The following LARP4B variants were observed in gnomAD, a reference collection of about 807,000 sequenced individuals.
LARP4B encodes la-related protein 4B.
In LARP4B, 12 loss-of-function variants were observed where a neutral mutation model predicts 89.8. The observed-to-expected ratio is 0.13, with a 90% CI of 0.09 to 0.22. LARP4B has a LOEUF of 0.22. Among genes scored for constraint, LARP4B ranks in the 10% least tolerant of loss-of-function variants. The pLI, the probability that LARP4B is intolerant of heterozygous loss-of-function variation, is 1.00. For missense variants in LARP4B, 757 were observed against 947.7 expected (o/e 0.80, Z 2.64); for synonymous variants, 367 against 363.3 (o/e 1.01, Z -0.12).
At chr10:918,735 A>G (rs1836895325) in intron 1 of LARP4B, among the ~76,000 whole-genome samples, 1 of 151,838 alleles carries the variant, frequency 6.6e-6, no homozygotes, top group African/African-American at 2.4e-5. Flanking sequence ...TCGGAAATGT[A>G]GATAACTTTA....
At chr10:954,581 A>T in the LARP4B span, among the ~76,000 whole-genome samples, 1 of 152,098 alleles carries the variant, frequency 6.6e-6, no homozygotes, top group South Asian at 2.1e-4. The surrounding 1 kb of genome is among the most constrained non-coding windows in gnomAD (Gnocchi z 5.0). Flanking sequence ...GGAGGAGGAC[A>T]CAGCTGCTGC....
intron 7 of LARP4B, among the ~76,000 whole-genome samples, chr10:841,997 C>T (rs902814815): frequency 2.0e-5 from 3 of 151,474 alleles, no homozygotes; most frequent in African/African-American, 4.8e-5. Flanking sequence ...AAAACCTGCA[C>T]AGACTGTCGT....
At chr10:873,649 A>G (rs879730570) in intron 3 of LARP4B, among the ~76,000 whole-genome samples, 10 of 152,210 alleles carry the variant, frequency 6.6e-5, no homozygotes, top group Admixed American at 2.0e-4. Context: ...GCTTTACGAA[A>G]TGATGTCTGA....
chr10:897,185 G>C (rs1393630951), intron 1 of LARP4B, among the ~76,000 whole-genome samples: 1 of 152,096 alleles, frequency 6.6e-6, no homozygotes, highest in Non-Finnish European at 1.5e-5. Flanking sequence ...CAGACAAACA[G>C]ATCAATACAA....
chr10:972,805 T>A, the LARP4B span: 1 of 456,800 alleles, frequency 2.2e-6, no homozygotes, highest in South Asian at 1.5e-5. Context: ...AGCCGCATTC[T>A]TTCCCCTCTC....
rs191208586 is a variant in LARP4B, at chr10:913,904, G to A, written c.-40+17524C>T. 4.9e-3 allele frequency among the ~76,000 whole-genome samples: 742 copies of A among 151,800 alleles called. 5 individuals carry two copies. The highest frequency in any genetic ancestry group is 0.016 in the African/African-American group (673 of 41,394). ...AGCCTGGGTGACACAGTAAGGCTGG[G>A]TCTCAAAAAAAAATAAAAATAACGA... On this transcript the variant is annotated intron_variant, in intron 1 of 17. Transcript: ENST00000316157.
chr10:919,070 G>T (rs560009209), intron 1 of LARP4B, among the ~76,000 whole-genome samples: 1 of 152,208 alleles, frequency 6.6e-6, no homozygotes, highest in East Asian at 1.9e-4. Flanking sequence ...AACTGAGTGA[G>T]ACTCCGTCTC....
At chr10:915,488 G>C (rs1289856877) in intron 1 of LARP4B, among the ~76,000 whole-genome samples, 1 of 152,122 alleles carries the variant, frequency 6.6e-6, no homozygotes, top group African/African-American at 2.4e-5. Flanking sequence ...TTAGAAAACT[G>C]AGTATCAAAA....
At chr10:833,279 A>C (rs11812859) in intron 8 of LARP4B, among the ~76,000 whole-genome samples, 8,970 of 139,448 alleles carry the variant, frequency 0.064, 236 homozygotes, top group African/African-American at 0.1. Flanking sequence ...AAAAAAAAAA[A>C]AAAAACCTCA....
chr10:813,673 A>C (rs1400674972), intron 17 of LARP4B, among the ~76,000 whole-genome samples: 1 of 152,272 alleles, frequency 6.6e-6, no homozygotes, highest in Non-Finnish European at 1.5e-5. Context: ...ATTTCAAACT[A>C]CAAAGGACTG....
the LARP4B span, among the ~76,000 whole-genome samples, chr10:946,866 A>T: frequency 1.1e-4 from 17 of 151,994 alleles, no homozygotes; most frequent in African/African-American, 4.8e-5. Flanking sequence ...TGACTCTGAA[A>T]CACCATTTTT....
intron 1 of LARP4B, among the ~76,000 whole-genome samples, chr10:889,131 A>C (rs746229946): frequency 6.6e-6 from 1 of 151,578 alleles, no homozygotes; most frequent in Non-Finnish European, 1.5e-5. Context: ...ACCACCAAGT[A>C]GTTAAAAAAC....
chr10:837,766 G>T (rs533680686), intron 7 of LARP4B, among the ~76,000 whole-genome samples: 35 of 152,214 alleles, frequency 2.3e-4, no homozygotes, highest in African/African-American at 6.7e-4. Flanking sequence ...TGACAGACTC[G>T]AATGTTCAAA....
At chr10:939,019 C>T in the LARP4B span, among the ~76,000 whole-genome samples, 1 of 152,230 alleles carries the variant, frequency 6.6e-6, no homozygotes, top group East Asian at 1.9e-4. Flanking sequence ...TGACACTCTT[C>T]TCCCTGCTTT....
At chr10:957,179 T>C in the LARP4B span, among the ~76,000 whole-genome samples, 1 of 152,176 alleles carries the variant, frequency 6.6e-6, no homozygotes, top group Non-Finnish European at 1.5e-5. Flanking sequence ...TTTTTATTTT[T>C]GAAACAAGGT....
intron 1 of LARP4B, among the ~76,000 whole-genome samples, chr10:930,413 A>T (rs977306243): frequency 6.6e-6 from 1 of 152,244 alleles, no homozygotes; most frequent in Admixed American, 6.5e-5. Context: ...AAGACAAGTT[A>T]TTGGGCATCC....
chr10:912,009 A>C (rs1407469878), intron 1 of LARP4B, among the ~76,000 whole-genome samples: 1 of 152,190 alleles, frequency 6.6e-6, no homozygotes, highest in Non-Finnish European at 1.5e-5. Context: ...TAAGATTCCC[A>C]TATGGGATGG....
Position 813,190 on chromosome 10 carries a change from T to G in LARP4B, c.1953A>C (p.Ala651=). ...CTTTACTCGTTCTCTGACAAATCTC[T>G]GCGTAGCTGGGCTTTCGCAATTCCT... ...AATELRKPSY[A]EICQRTSKEP... The change falls in exon 18 of 18, where the codon GCA becomes GCC. Residue 651 remains alanine (A), a synonymous_variant. Coordinates refer to ENST00000316157, the MANE Select transcript of LARP4B (RefSeq NM_015155.3). 6.2e-7 allele frequency: 1 copy of G among 1,611,952 alleles called. No individual in the cohort carries two copies. Among genetic ancestry groups the G allele is most frequent in the African/African-American group, 1.3e-5 (1 of 74,732 alleles).
chr10:835,384 G>A (rs1232153866), intron 8 of LARP4B, among the ~76,000 whole-genome samples: 14 of 152,176 alleles, frequency 9.2e-5, no homozygotes. Flanking sequence ...GAAGGTGTGT[G>A]GAAAGAGGTA....
Sources: gnomAD v4.1 joint callset for allele counts (sites outside exome capture counted in the v4.1 genomes callset) on GRCh38, gnomAD v4.1.1 for gene constraint, Gnocchi (gnomAD v3.1) non-coding constraint, MANE v1.5 for transcripts, NCBI Gene and HGNC (gene_info 2026-07-23, HGNC 2026-07-21) for gene names.